GRAMD1B: variants seen among roughly 807,000 people sequenced by gnomAD.
GRAMD1B encodes protein Aster-B.
A neutral mutation model predicts 99.7 loss-of-function variants in GRAMD1B; 37 were observed. The observed-to-expected ratio is 0.37, with a 90% CI of 0.29 to 0.49. The LOEUF (loss-of-function observed/expected upper bound fraction) is 0.49, where lower values mean the gene tolerates loss of function less well. Ranked by LOEUF, GRAMD1B falls within the 20% of genes least tolerant of loss-of-function variation. GRAMD1B has a pLI of 0.98. For synonymous variants in GRAMD1B, 427 were observed against 387.6 expected, an observed-to-expected ratio of 1.10 and a Z score of -1.19; for missense variants, 888 against 1,009.2, an observed-to-expected ratio of 0.88 and a Z score of 1.63.
intron 2 of GRAMD1B, among the ~76,000 whole-genome samples, chr11:123,482,392 C>G (rs960578766): frequency 6.6e-6 from 1 of 152,124 alleles, no homozygotes; most frequent in African/African-American, 2.4e-5. Flanking sequence ...GCCACCATGC[C>G]TGGCTCACTG....
At chr11:123,414,022 G>T (rs1272192382) in intron 1 of GRAMD1B, among the ~76,000 whole-genome samples, 1 of 151,788 alleles carries the variant, frequency 6.6e-6, no homozygotes, top group Non-Finnish European at 1.5e-5. Context: ...ACTGTTAGTG[G>T]TCTTAGAAAT....
intron 6 of GRAMD1B, among the ~76,000 whole-genome samples, chr11:123,595,613 C>T (rs1310537674): frequency 2.0e-5 from 3 of 152,100 alleles, no homozygotes; most frequent in African/African-American, 7.2e-5. Flanking sequence ...ATTTATATGG[C>T]CACATCCTGC....
intron 2 of GRAMD1B, among the ~76,000 whole-genome samples, chr11:123,505,651 A>G (rs1940347745): frequency 6.6e-6 from 1 of 152,198 alleles, no homozygotes; most frequent in East Asian, 1.9e-4. Flanking sequence ...GGGCTAAGTA[A>G]CTTGCTCAAG....
chr11:123,611,709 G>A (rs997840765), intron 14 of GRAMD1B, among the ~76,000 whole-genome samples: 19 of 152,302 alleles, frequency 1.2e-4, no homozygotes, highest in African/African-American at 4.6e-4. Context: ...GACCATTATA[G>A]GAAGGTGCCC....
At chr11:123,437,631 A>G (rs916819877) in intron 1 of GRAMD1B, among the ~76,000 whole-genome samples, 1 of 152,160 alleles carries the variant, frequency 6.6e-6, no homozygotes, top group African/African-American at 2.4e-5. Context: ...TAGAGAGTGG[A>G]GGGCCTCAGG....
At chr11:123,449,663 A>G (rs544044711) in intron 1 of GRAMD1B, among the ~76,000 whole-genome samples, 1 of 146,620 alleles carries the variant, frequency 6.8e-6, no homozygotes, top group East Asian at 2.0e-4. Flanking sequence ...CAGCCTTGAC[A>G]TCCTGATCTC....
chr11:123,360,879 C>A (rs1337293512), intron 1 of GRAMD1B, among the ~76,000 whole-genome samples: 6 of 149,884 alleles, frequency 4.0e-5, no homozygotes, highest in Non-Finnish European at 8.9e-5. Flanking sequence ...TGCAGTGGTG[C>A]AATCTGGGCT....
rs1174566108 is a variant in GRAMD1B at position 123,626,450 on chromosome 11, A to C, written c.*3855A>C. 4 of 151,888 alleles carry C rather than the reference A, an allele frequency of 2.6e-5. No individual in the cohort carries two copies. The highest frequency in any genetic ancestry group is 2.6e-4 in the Admixed American group (4 of 15,228). The allele number at this position is 151,888 out of a possible 1,614,324, so 9.4% of individuals were successfully genotyped here. A position where few individuals can be genotyped will look rare whatever the true frequency, so the allele number is the denominator to read the frequency against. On this transcript the variant is annotated 3_prime_UTR_variant, in exon 20 of 20. Transcript: ENST00000635736. ...AGATCCTGGAGAAAGGACTAGGGGA[A>C]GTATCTTTCTGGATGCTTGTGGTCC...
At chr11:123,522,739 T>G (rs1369708312) in intron 2 of GRAMD1B, among the ~76,000 whole-genome samples, 1 of 152,222 alleles carries the variant, frequency 6.6e-6, no homozygotes, top group African/African-American at 2.4e-5. Flanking sequence ...CTCAACCCAC[T>G]GGGCTCTCCT....
chr11:123,396,035 A>C (rs1165464401), intron 1 of GRAMD1B, among the ~76,000 whole-genome samples: 1 of 152,048 alleles, frequency 6.6e-6, no homozygotes, highest in Non-Finnish European at 1.5e-5. Flanking sequence ...TCTTTGAAAA[A>C]CTGAGGCTGG....
chr11:123,531,260 CT>C (rs748797463), intron 2 of GRAMD1B, among the ~76,000 whole-genome samples: 2 of 152,116 alleles, frequency 1.3e-5, no homozygotes, highest in African/African-American at 2.4e-5. Flanking sequence ...ATTTAAATCC[CT>C]TGAGTGAGAA....
chr11:123,501,063 T>C (rs1939801369), intron 2 of GRAMD1B, among the ~76,000 whole-genome samples: 1 of 152,242 alleles, frequency 6.6e-6, no homozygotes, highest in Non-Finnish European at 1.5e-5. Context: ...GAAATTACTA[T>C]TATACTCATC....
chr11:123,460,651 G>A (rs1047669415), intron 1 of GRAMD1B, among the ~76,000 whole-genome samples: 5 of 152,146 alleles, frequency 3.3e-5, no homozygotes, highest in African/African-American at 4.8e-5. Context: ...AGTTTTTCCC[G>A]GGGCTAAGGG....
chr11:123,613,615 G>C lies in GRAMD1B; in HGVS notation c.2184G>C (p.Thr728=). Residue 728 remains threonine, a synonymous_variant, in exon 16 of 20, where the codon ACG becomes ACC. Transcript: ENST00000635736. ...AAGAGGTGATGAGCCCGGTCACCAC[G>C]CCCACAGATGAGGATGTGGGCCACA... is the stretch of plus-strand genomic sequence containing the variant. The part of the protein sequence containing the change: ...HLEEVMSPVT[T]PTDEDVGHRI... 2 of 1,613,848 alleles carry C rather than the reference G, an allele frequency of 1.2e-6. No homozygotes were observed. Among genetic ancestry groups the C allele is most frequent in the Non-Finnish European group, 1.7e-6 (2 of 1,179,862 alleles).
At chr11:123,408,604 C>T (rs1947936020) in intron 1 of GRAMD1B, among the ~76,000 whole-genome samples, 1 of 152,236 alleles carries the variant, frequency 6.6e-6, no homozygotes, top group East Asian at 1.9e-4. Context: ...GAGACTCCCT[C>T]CCTTTCCTCC....
At chr11:123,621,881 T>TC (rs1955159926) in intron 19 of GRAMD1B, among the ~76,000 whole-genome samples, 1 of 138,074 alleles carries the variant, frequency 7.2e-6, no homozygotes, top group East Asian at 2.4e-4. Context: ...TTTCTTTCTT[T>TC]TTCTTTCTTT....
intron 19 of GRAMD1B, 48 bp downstream of exon 19, chr11:123,619,272 A>T: frequency 1.9e-6 from 3 of 1,546,182 alleles, no homozygotes; most frequent in Non-Finnish European, 2.6e-6. Context: ...GGGAGCGGGG[A>T]CTCCTTCCCT....
At chr11:123,484,763 G>T (rs1951795497) in intron 2 of GRAMD1B, among the ~76,000 whole-genome samples, 1 of 152,092 alleles carries the variant, frequency 6.6e-6, no homozygotes, top group Non-Finnish European at 1.5e-5. Flanking sequence ...CTTGGCTGCT[G>T]GGTTCCTTCT....
At chr11:123,462,499 C>A (rs1950472805) in intron 1 of GRAMD1B, among the ~76,000 whole-genome samples, 2 of 152,168 alleles carry the variant, frequency 1.3e-5, no homozygotes. Flanking sequence ...TCAGCTCAGC[C>A]CCTGAGTCCC....
Sources: allele counts gnomAD v4.1 joint callset (sites outside exome capture counted in the v4.1 genomes callset), GRCh38; gene constraint gnomAD v4.1.1; transcripts MANE v1.5; gene names NCBI Gene and HGNC (gene_info 2026-07-23, HGNC 2026-07-21).